CPQ: variants seen among roughly 807,000 people sequenced by gnomAD.
The protein encoded by CPQ is carboxypeptidase Q.
In CPQ, 37 loss-of-function variants were observed where a neutral mutation model predicts 45.7. The ratio of observed to expected loss-of-function variants is 0.81; its 90% CI spans 0.62 to 1.07. CPQ has a LOEUF of 1.07. CPQ is among the 50% of genes least tolerant of loss of function. The pLI is 0.00. For synonymous variants in CPQ, 186 were observed against 205.8 expected, an observed-to-expected ratio of 0.90 and a Z score of 0.82; for missense variants, 537 against 572.9, an observed-to-expected ratio of 0.94 and a Z score of 0.64.
intron 7 of CPQ, among the ~76,000 whole-genome samples, chr8:97,092,022 C>T (rs377729818): frequency 2.6e-5 from 4 of 152,108 alleles, no homozygotes; most frequent in African/African-American, 4.8e-5. Flanking sequence ...TTTAGTTATT[C>T]GTCTGTTTGT....
intron 7 of CPQ, among the ~76,000 whole-genome samples, chr8:97,102,886 G>A (rs1208328751): frequency 4.6e-5 from 7 of 152,132 alleles, no homozygotes. Flanking sequence ...ACGTTCTAGA[G>A]GTCAAAAGTC....
intron 7 of CPQ, among the ~76,000 whole-genome samples, chr8:97,076,637 C>T (rs1034351158): frequency 3.3e-5 from 5 of 152,088 alleles, no homozygotes. Context: ...TGTCATGTTC[C>T]CCTATCCCTT....
intron 4 of CPQ, among the ~76,000 whole-genome samples, chr8:96,942,296 T>C (rs1314554966): frequency 6.6e-6 from 1 of 152,198 alleles, no homozygotes; most frequent in Non-Finnish European, 1.5e-5. Flanking sequence ...CAAACCTTAC[T>C]CCTTAGCCTA....
intron 6 of CPQ, among the ~76,000 whole-genome samples, chr8:97,060,102 CAAAG>C (rs1810522596): frequency 6.6e-6 from 1 of 151,962 alleles, no homozygotes; most frequent in South Asian, 2.1e-4. Flanking sequence ...AACTTTTAAA[CAAAG>C]AAGCCAAATT....
intron 6 of CPQ, among the ~76,000 whole-genome samples, chr8:97,051,164 C>A (rs915541586): frequency 6.6e-6 from 1 of 152,098 alleles, no homozygotes; most frequent in African/African-American, 2.4e-5. Flanking sequence ...ATAAAGCTAC[C>A]ATTTGCCCAA....
intron 1 of CPQ, among the ~76,000 whole-genome samples, chr8:96,650,417 A>G (rs2130702806): frequency 6.6e-6 from 1 of 152,318 alleles, no homozygotes; most frequent in East Asian, 1.9e-4. Context: ...TTAAAAAGCA[A>G]TTTTATATTT....
At chr8:97,134,941 T>C (rs374836486) in intron 7 of CPQ, among the ~76,000 whole-genome samples, 3 of 152,338 alleles carry the variant, frequency 2.0e-5, no homozygotes, top group African/African-American at 7.2e-5. Flanking sequence ...GGGGAGTCTG[T>C]AGCATCATCT....
At chr8:96,751,525 T>C (rs988149513) in intron 1 of CPQ, among the ~76,000 whole-genome samples, 7 of 152,206 alleles carry the variant, frequency 4.6e-5, no homozygotes, top group Admixed American at 1.3e-4. Context: ...TCTTTGTAGA[T>C]TCTAGATATT....
chr8:96,963,357 A>T (rs10087996), intron 4 of CPQ, among the ~76,000 whole-genome samples: 16,340 of 152,188 alleles, frequency 0.11, 2,020 homozygotes, highest in African/African-American at 0.3. Flanking sequence ...AACATGAATT[A>T]TTCTTTATTT....
At chr8:97,027,201 T>G (rs1809818818) in intron 5 of CPQ, among the ~76,000 whole-genome samples, 1 of 152,162 alleles carries the variant, frequency 6.6e-6, no homozygotes, top group South Asian at 2.1e-4. Flanking sequence ...TCTTTGGCAA[T>G]CCTGATTAGA....
intron 7 of CPQ, among the ~76,000 whole-genome samples, chr8:97,109,099 A>G (rs1459087666): frequency 3.3e-5 from 5 of 152,154 alleles, no homozygotes; most frequent in African/African-American, 4.8e-5. Context: ...TCCTGAACCT[A>G]CTTCTCTTCT....
intron 1 of CPQ, among the ~76,000 whole-genome samples, chr8:96,729,843 ATGTG>A (rs1285945663): frequency 6.7e-6 from 1 of 148,904 alleles, no homozygotes; most frequent in Non-Finnish European, 1.5e-5. Flanking sequence ...TGAATTTCTT[ATGTG>A]TGTGTGTTTG....
chr8:97,003,291 C>T (rs1051553876), intron 5 of CPQ, among the ~76,000 whole-genome samples: 1 of 152,032 alleles, frequency 6.6e-6, no homozygotes, highest in Non-Finnish European at 1.5e-5. Context: ...TGGATTTGAT[C>T]CTGTCATCAT....
intron 5 of CPQ, among the ~76,000 whole-genome samples, chr8:96,975,065 G>C (rs929429190): frequency 2.0e-5 from 3 of 151,782 alleles, no homozygotes; most frequent in African/African-American, 7.3e-5. Context: ...ACAAAAGCTG[G>C]TTCTTTGAAA....
chr8:96,806,558 A>C (rs1180497819), intron 2 of CPQ, among the ~76,000 whole-genome samples: 1 of 152,214 alleles, frequency 6.6e-6, no homozygotes, highest in Non-Finnish European at 1.5e-5. Flanking sequence ...AAATACTAGA[A>C]AGCAGTTAAA....
chr8:96,652,992 C>T (rs182862016), intron 1 of CPQ, among the ~76,000 whole-genome samples: 127 of 152,254 alleles, frequency 8.3e-4, no homozygotes, highest in Non-Finnish European at 1.2e-3. Context: ...AGTACAGGGG[C>T]GTGATCTTGG....
chr8:96,657,460 T>G (rs1815651526), intron 1 of CPQ, among the ~76,000 whole-genome samples: 1 of 152,226 alleles, frequency 6.6e-6, no homozygotes, highest in Non-Finnish European at 1.5e-5. Flanking sequence ...TTCAGTGGCC[T>G]ATTCATTCAG....
intron 7 of CPQ, among the ~76,000 whole-genome samples, chr8:97,123,057 TAAAATAAAAAAAATAAAATAAAATAAATA>T (rs1811763217): frequency 3.0e-5 from 1 of 33,552 alleles, no homozygotes; most frequent in African/African-American, 1.3e-4. Flanking sequence ...TAAAATAAAA[TAAAATAAAAAAAATAAAATAAAATAAATA>T]AAATAAAATA....
At chr8:96,885,375 G>A (rs1812288361) in intron 4 of CPQ, among the ~76,000 whole-genome samples, 1 of 152,082 alleles carries the variant, frequency 6.6e-6, no homozygotes, top group Admixed American at 6.5e-5. Context: ...TGTTGCATTG[G>A]GGATTAAGTT....
Sources: gnomAD v4.1 joint callset for allele counts (sites outside exome capture counted in the v4.1 genomes callset) on GRCh38, gnomAD v4.1.1 for gene constraint, MANE v1.5 for transcripts, NCBI Gene and HGNC (gene_info 2026-07-23, HGNC 2026-07-21) for gene names.